Variants in CCDC50 observed in about 807,000 individuals in gnomAD.
CCDC50 encodes the protein coiled-coil domain containing 50.
A neutral mutation model predicts 70.2 loss-of-function variants in CCDC50; 54 were observed. That is an observed-to-expected ratio of 0.77 (90% confidence interval 0.62 to 0.96). The LOEUF (loss-of-function observed/expected upper bound fraction) is 0.96. CCDC50 is among the 50% of genes least tolerant of loss of function. CCDC50 has a pLI of 0.00. For missense variants in CCDC50, 558 were observed against 578.7 expected, an observed-to-expected ratio of 0.96 and a Z score of 0.37; for synonymous variants, 216 against 198.8, an observed-to-expected ratio of 1.09 and a Z score of -0.73.
chr3:191,357,950 A>C (rs1294350491), intron 2 of CCDC50, 48 bp from the exon 3 acceptor site: 2 of 1,612,874 alleles, frequency 1.2e-6, no homozygotes, highest in Admixed American at 1.7e-5. Context: ...ATTTATTACT[A>C]ACAAACCAAG....
chr3:191,368,026 A>G lies in CCDC50; in HGVS notation c.331-1893A>G, dbSNP rs536901078. On this transcript the variant is annotated intron_variant, in intron 4 of 11. Coordinates refer to ENST00000392455, the MANE Select transcript of CCDC50 (RefSeq NM_178335.3). ...TGGTAGACACATTTGTTGAAATGATACATTAAGGAGTCAAAGACATTTGGC... is the reference window on the plus strand; with the variant it reads ...TGGTAGACACATTTGTTGAAATGATGCATTAAGGAGTCAAAGACATTTGGC... Among the ~76,000 whole-genome samples the G allele has an allele frequency of 3.3e-5, 5 of 152,200 alleles. No homozygotes were observed. In the East Asian group the frequency reaches 9.6e-4, roughly 29 times the overall value.
At position 191,395,570 on chromosome 3, in the gene CCDC50, A is replaced by C. The variant is rs1713835488; in HGVS notation, c.*3810A>C. On this transcript the variant is annotated 3_prime_UTR_variant, in exon 12 of 12. Coordinates refer to ENST00000392455, the MANE Select transcript of CCDC50 (RefSeq NM_178335.3). ...TGTAAAATCTTCACCCTAATAAAGG[A>C]GTGAGATCTCTGTGTAAACAGCTTT... is the stretch of plus-strand genomic sequence containing the variant. 6.6e-6 allele frequency: 1 copy of C among 152,188 alleles called. No individual in the cohort carries two copies. The highest frequency in any genetic ancestry group is 1.5e-5 in the Non-Finnish European group (1 of 67,998). The allele number at this position is 152,188 out of a possible 1,614,324, so 9.4% of individuals were successfully genotyped here. A position where few individuals can be genotyped will look rare whatever the true frequency, so the allele number is the denominator to read the frequency against.
chr3:191,329,942 TGGGGG>T (rs34226642), intron 1 of CCDC50, among the ~76,000 whole-genome samples: 1 of 102,958 alleles, frequency 9.7e-6, no homozygotes, highest in Middle Eastern at 4.8e-3. Context: ...AGGGGGTGGT[TGGGGG>T]GGGGGGGGGC....
chr3:191,329,883 G>A (rs577093592), intron 1 of CCDC50, among the ~76,000 whole-genome samples, 160 bp downstream of exon 1: 2 of 148,148 alleles, frequency 1.3e-5, no homozygotes, highest in Admixed American at 1.4e-4. Flanking sequence ...TCAGGTTCTA[G>A]TGTGGGACGT....
intron 5 of CCDC50, among the ~76,000 whole-genome samples, chr3:191,373,622 G>A (rs1712990385): frequency 6.6e-6 from 1 of 152,042 alleles, no homozygotes; most frequent in Non-Finnish European, 1.5e-5. Flanking sequence ...TTCTCATGTT[G>A]TCACGATAGT....
intron 5 of CCDC50, among the ~76,000 whole-genome samples, chr3:191,372,452 A>G (rs1194085690): frequency 6.6e-6 from 1 of 152,192 alleles, no homozygotes. Flanking sequence ...ACCATATTAT[A>G]GTTCAGCTCA....
At chr3:191,382,859 T>C (rs1345521882) in intron 10 of CCDC50, 34 bp downstream of exon 10, 1 of 1,497,654 alleles carries the variant, frequency 6.7e-7, no homozygotes, top group Non-Finnish European at 9.3e-7. Context: ...AATGAGGAAG[T>C]TGACTTTGGG....
In CCDC50 at chr3:191,352,157, TA is replaced by T. The variant is rs1250429825; in HGVS notation, c.50-4929del. On this transcript the variant is annotated intron_variant, in intron 1 of 11. Coordinates refer to ENST00000392455, the MANE Select transcript of CCDC50 (RefSeq NM_178335.3). ...TAATTGTCTTTAGTACAGTGTTTAT[TA>T]ACTTACATTATACCTGTTTTCCTCT... Among the ~76,000 whole-genome samples the T allele has an allele frequency of 2.8e-5, 4 of 142,220 alleles. 2 individuals carry two copies. In the Admixed American group the frequency reaches 2.9e-4, roughly 10 times the overall value. 93.3% of individuals were successfully genotyped at this position (142,220 alleles called of 152,430 possible).
intron 3 of CCDC50, among the ~76,000 whole-genome samples, chr3:191,358,338 G>A (rs1044322175): frequency 6.6e-6 from 1 of 152,156 alleles, no homozygotes; most frequent in Non-Finnish European, 1.5e-5. Flanking sequence ...TGTTGATGAT[G>A]GTGTGAATTT....
At chr3:191,333,291 T>G (rs1718047717) in intron 1 of CCDC50, among the ~76,000 whole-genome samples, 1 of 152,240 alleles carries the variant, frequency 6.6e-6, no homozygotes, top group South Asian at 2.1e-4. Context: ...AGCACTGATT[T>G]ATTTTAGGTT....
At chr3:191,371,736 C>G (rs1712919529) in intron 5 of CCDC50, among the ~76,000 whole-genome samples, 2 of 152,114 alleles carry the variant, frequency 1.3e-5, no homozygotes, top group Non-Finnish European at 2.9e-5. Context: ...TATGTTCTTC[C>G]TCTGTATGTA....
chr3:191,347,965 T>C lies in CCDC50; in HGVS notation c.50-9123T>C, dbSNP rs540662603. ...TCACTATCCTGGGCACTGGGATAAA[T>C]GTTGGAGATAAAATGATCCATAATA... On this transcript the variant is annotated intron_variant, in intron 1 of 11. Coordinates refer to ENST00000392455, the MANE Select transcript of CCDC50 (RefSeq NM_178335.3). Among the ~76,000 whole-genome samples, 80 of 142,514 alleles carry C rather than the reference T, an allele frequency of 5.6e-4. 5 individuals carry two copies. The highest frequency in any genetic ancestry group is 2.0e-3 in the African/African-American group (79 of 39,996). 93.5% of individuals were successfully genotyped at this position (142,514 alleles called of 152,430 possible).
intron 10 of CCDC50, among the ~76,000 whole-genome samples, chr3:191,388,815 A>C (rs570745898): frequency 1.3e-5 from 2 of 152,270 alleles, no homozygotes; most frequent in African/African-American, 4.8e-5. Flanking sequence ...CTTTGAGTAT[A>C]CCTTTGGGAG....
Position 191,358,098 on chromosome 3 carries a change from C to T in CCDC50, c.213C>T (p.Ala71=). 2 of 1,613,884 alleles carry T rather than the reference C, an allele frequency of 1.2e-6. No homozygotes were observed. The highest frequency in any genetic ancestry group is 1.7e-6 in the Non-Finnish European group (2 of 1,179,880). The part of the protein sequence containing the change: ...QLQEEDLKAQ[A]QLQKRYKDLE... ...AAGAGGAAGATCTGAAAGCGCAGGC[C>T]CAGCTCCAGAAGCGCTACAAAGACC... is the stretch of plus-strand genomic sequence containing the variant. Residue 71 remains alanine, a synonymous_variant, in exon 3 of 12, where the codon GCC becomes GCT. Transcript: ENST00000392455.
chr3:191,387,607 C>CT (rs1713541568), intron 10 of CCDC50, among the ~76,000 whole-genome samples: 6 of 148,862 alleles, frequency 4.0e-5, no homozygotes, highest in Admixed American at 4.0e-4. Context: ...TTAAGAAGTA[C>CT]TCTTAAGAAG....
In CCDC50 at chr3:191,392,850, G is replaced by A. The variant is rs1713742741; in HGVS notation, c.*1090G>A. The A allele has an allele frequency of 1.3e-5, 2 of 152,266 alleles. No individual in the cohort carries two copies. Among genetic ancestry groups the A allele is most frequent in the African/African-American group, 2.4e-5 (1 of 41,424 alleles). 9.4% of individuals were successfully genotyped at this position (152,266 alleles called of 1,614,324 possible). On this transcript the variant is annotated 3_prime_UTR_variant, in exon 12 of 12. Coordinates refer to ENST00000392455, the MANE Select transcript of CCDC50 (RefSeq NM_178335.3). The stretch of plus-strand genomic sequence containing the variant: ...CCACCTGGGCTGGAGCAATTCCCCT[G>A]CCTCAGCCTCCCAAGTAGCTGGAAT...
rs1713761574 is a variant in CCDC50, at chr3:191,393,405, G to C, written c.*1645G>C. 6.6e-6 allele frequency: 1 copy of C among 152,134 alleles called. No homozygotes were observed. The highest frequency in any genetic ancestry group is 2.4e-5 in the African/African-American group (1 of 41,442). 9.4% of individuals were successfully genotyped at this position (152,134 alleles called of 1,614,324 possible). On this transcript the variant is annotated 3_prime_UTR_variant, in exon 12 of 12. Transcript: ENST00000392455. ...TTTTTCCCACTGTGAATTGCCTTCT[G>C]TTTGCCTTATCTTTTCAGATAGTCT...
intron 1 of CCDC50, among the ~76,000 whole-genome samples, chr3:191,342,249 G>C (rs1711757180): frequency 6.6e-6 from 1 of 152,196 alleles, no homozygotes; most frequent in Admixed American, 6.5e-5. Context: ...ATTGCAGTTT[G>C]CTTTGTGAGA....
chr3:191,397,356 A>C lies in CCDC50; in HGVS notation c.*5596A>C, dbSNP rs1373228262. On this transcript the variant is annotated 3_prime_UTR_variant, in exon 12 of 12. Coordinates refer to ENST00000392455, the MANE Select transcript of CCDC50 (RefSeq NM_178335.3). ...GGTCTTGGAAATCCCTATGGTCTCT[A>C]ATTTCAGCTCTTGCTGTAAACTGCA... is the stretch of plus-strand genomic sequence containing the variant. The C allele has an allele frequency of 1.3e-5, 2 of 152,230 alleles. No individual in the cohort carries two copies. The highest frequency in any genetic ancestry group is 2.1e-4 in the South Asian group (1 of 4,834). 9.4% of individuals were successfully genotyped at this position (152,230 alleles called of 1,614,324 possible). A position where few individuals can be genotyped will look rare whatever the true frequency, so the allele number is the denominator to read the frequency against.
Sources: gnomAD v4.1 joint callset for allele counts (sites outside exome capture counted in the v4.1 genomes callset) on GRCh38, gnomAD v4.1.1 for gene constraint, MANE v1.5 for transcripts, NCBI Gene and HGNC (gene_info 2026-07-23, HGNC 2026-07-21) for gene names.